ARHGAP29: variants seen among roughly 807,000 people sequenced by gnomAD.
ARHGAP29 encodes the protein Rho GTPase activating protein 29.
Under a neutral mutation model 122.6 loss-of-function variants are expected in ARHGAP29, and 43 were observed. That is an observed-to-expected ratio of 0.35 (90% confidence interval 0.27 to 0.45). The LOEUF (loss-of-function observed/expected upper bound fraction) is 0.45, where lower values mean the gene tolerates loss of function less well. Ranked by LOEUF, ARHGAP29 falls within the 20% of genes least tolerant of loss-of-function variation. The probability of loss-of-function intolerance (pLI) is 1.00; values close to 1 mark genes in which losing one functional copy is unlikely to be tolerated. For missense variants in ARHGAP29, 1,303 were observed against 1,477.2 expected (o/e 0.88, Z 1.93); for synonymous variants, 506 against 497.1 (o/e 1.02, Z -0.24).
Position 94,208,834 on chromosome 1 carries a change from T to G in ARHGAP29, c.508A>C (p.Lys170Gln). ...LLRLPVSRET[K>Q]SFENVSVESV... ...GCTTTCACACAAACTTAGCTTACCT[T>G]AGTTTCTCGAGAAACAGGCAGTCGC... Residue 170 changes from lysine to glutamine, a missense_variant and splice_region_variant, in exon 5 of 23, where the codon AAG becomes CAG. By Grantham distance (53) the Lys-to-Gln change is moderately conservative. Coordinates refer to ENST00000260526, the MANE Select transcript of ARHGAP29 (RefSeq NM_004815.4). 1.2e-6 allele frequency: 2 copies of G among 1,613,582 alleles called. No homozygotes were observed. Among genetic ancestry groups the G allele is most frequent in the Non-Finnish European group, 1.7e-6 (2 of 1,179,536 alleles).
chr1:94,252,939 C>G (rs1570608262), intron 1 of ARHGAP29, among the ~76,000 whole-genome samples: 1 of 152,018 alleles, frequency 6.6e-6, no homozygotes. Flanking sequence ...GTTTCAGAAT[C>G]AAAGGGATCT....
At chr1:94,251,864 C>G (rs1017581731) in intron 1 of ARHGAP29, among the ~76,000 whole-genome samples, 1 of 152,142 alleles carries the variant, frequency 6.6e-6, no homozygotes, top group Admixed American at 6.5e-5. Flanking sequence ...GCACTTATCC[C>G]TCTACTGACT....
chr1:94,219,804 T>A (rs1652178780), intron 3 of ARHGAP29, among the ~76,000 whole-genome samples: 1 of 152,204 alleles, frequency 6.6e-6, no homozygotes, highest in African/African-American at 2.4e-5. Context: ...TATGATAAAC[T>A]TATTTTACAA....
chr1:94,310,277 T>C, the ARHGAP29 span, among the ~76,000 whole-genome samples: 12,742 of 152,070 alleles, frequency 0.084, 561 homozygotes, highest in East Asian at 0.12. Context: ...GGGGAAACAG[T>C]GAAGAGGAAG....
intron 5 of ARHGAP29, among the ~76,000 whole-genome samples, 171 bp downstream of exon 5, chr1:94,208,661 T>C (rs1000082687): frequency 6.6e-6 from 1 of 152,096 alleles, no homozygotes; most frequent in East Asian, 1.9e-4. Context: ...GGTTTCACCA[T>C]GTTGGCCAGG....
In ARHGAP29 at chr1:94,188,846, T is replaced by C. The variant is rs771049716; in HGVS notation, c.1672A>G (p.Ile558Val). The change falls in exon 15 of 23, where the codon ATA becomes GTA. Residue 558 changes from isoleucine (I) to valine (V), a missense_variant. Around this residue, in one of 3 missense-constraint regions of ARHGAP29, gnomAD observed 592 missense variants for 648.2 expected, o/e 0.91. Transcript: ENST00000260526. Reference sequence around the variant, plus strand: ...TTAAATATAGATGTACCTGGACTTATAGATTCTGAATCCAGAGATCTAGAT... The same window carrying C: ...TTAAATATAGATGTACCTGGACTTACAGATTCTGAATCCAGAGATCTAGAT... ...SESRSLDSESISPGDFHRKLP... is the reference protein window; with the variant it reads ...SESRSLDSESVSPGDFHRKLP... 4.3e-6 allele frequency: 7 copies of C among 1,612,220 alleles called. No homozygotes were observed. The highest frequency in any genetic ancestry group is 4.2e-6 in the Non-Finnish European group (5 of 1,178,562).
At chr1:94,188,476 G>A (rs932850174) in intron 15 of ARHGAP29, among the ~76,000 whole-genome samples, 14 of 151,870 alleles carry the variant, frequency 9.2e-5, no homozygotes, top group African/African-American at 2.7e-4. Context: ...TCACAATAGC[G>A]TAATTCAATT....
Position 94,179,863 on chromosome 1 carries a change from T to C in ARHGAP29, c.2342A>G (p.Lys781Arg). 1 of 1,613,310 alleles carries C rather than the reference T, an allele frequency of 6.2e-7. No individual in the cohort carries two copies. Among genetic ancestry groups the C allele is most frequent in the Non-Finnish European group, 8.5e-7 (1 of 1,179,604 alleles). The change falls in exon 20 of 23, where the codon AAG (lysine) becomes AGG (arginine). Residue 781 changes from lysine to arginine, a missense_variant. By Grantham distance (26) the Lys-to-Arg change is conservative. Coordinates refer to ENST00000260526, the MANE Select transcript of ARHGAP29 (RefSeq NM_004815.4). The part of the protein sequence containing the change: ...QHVNEEQETK[K>R]NSLEDKKWPN... Reference sequence around the variant, plus strand: ...CCATTTTTTGTCTTCAAGACTATTCTTTTTTGTCTCTTGTTCTTCATTTAC... The same window carrying C: ...CCATTTTTTGTCTTCAAGACTATTCCTTTTTGTCTCTTGTTCTTCATTTAC...
chr1:94,222,463 C>G (rs1264393931), intron 2 of ARHGAP29, among the ~76,000 whole-genome samples: 1 of 152,172 alleles, frequency 6.6e-6, no homozygotes, highest in Non-Finnish European at 1.5e-5. Context: ...CAACACTTTA[C>G]ATCTGTAATC....
chr1:94,305,699 T>A, the ARHGAP29 span, among the ~76,000 whole-genome samples: 1 of 152,144 alleles, frequency 6.6e-6, no homozygotes, highest in Non-Finnish European at 1.5e-5. Context: ...GAGGTAAAAT[T>A]GACTGGATTT....
At chr1:94,228,918 A>G (rs1402518127) in intron 2 of ARHGAP29, among the ~76,000 whole-genome samples, 2 of 151,888 alleles carry the variant, frequency 1.3e-5, no homozygotes, top group Non-Finnish European at 3.0e-5. Flanking sequence ...TGACTAAACC[A>G]AAAGATGATT....
At chr1:94,305,905 T>C in the ARHGAP29 span, among the ~76,000 whole-genome samples, 1 of 152,220 alleles carries the variant, frequency 6.6e-6, no homozygotes, top group Non-Finnish European at 1.5e-5. Context: ...GAATGTGAGG[T>C]TGCTGGCAGC....
the ARHGAP29 span, among the ~76,000 whole-genome samples, chr1:94,309,715 C>A: frequency 1.7e-4 from 26 of 152,156 alleles, no homozygotes; most frequent in Non-Finnish European, 5.9e-5. Flanking sequence ...GGCGATAGGT[C>A]CCAAGGTAGA....
At chr1:94,224,983 A>G (rs1362364891) in intron 2 of ARHGAP29, among the ~76,000 whole-genome samples, 2 of 152,212 alleles carry the variant, frequency 1.3e-5, no homozygotes, top group Non-Finnish European at 2.9e-5. Context: ...TGAAGCCCAC[A>G]AATCAACAGA....
At chr1:94,299,121 T>A in the ARHGAP29 span, among the ~76,000 whole-genome samples, 1 of 151,860 alleles carries the variant, frequency 6.6e-6, no homozygotes, top group Non-Finnish European at 1.5e-5. Flanking sequence ...TCGAGGTACA[T>A]AATCCTGCAG....
upstream of ARHGAP29, among the ~76,000 whole-genome samples, chr1:94,240,759 G>A (rs1014648509): frequency 3.3e-5 from 5 of 151,968 alleles, no homozygotes; most frequent in Admixed American, 2.6e-4. Context: ...TCAGCCATTC[G>A]GTGCAGCCTT....
chr1:94,309,356 G>A, the ARHGAP29 span, among the ~76,000 whole-genome samples: 3 of 152,166 alleles, frequency 2.0e-5, no homozygotes, highest in Non-Finnish European at 2.9e-5. Flanking sequence ...GGAGGTCAGG[G>A]CCCTCTTTGC....
At chr1:94,290,340 GTCTA>G in the ARHGAP29 span, among the ~76,000 whole-genome samples, 13 of 151,936 alleles carry the variant, frequency 8.6e-5, no homozygotes, top group African/African-American at 2.7e-4. Flanking sequence ...CTTGCTAGTG[GTCTA>G]TCTATTTTGT....
intron 2 of ARHGAP29, among the ~76,000 whole-genome samples, chr1:94,229,538 T>C (rs1652805891): frequency 1.3e-5 from 2 of 151,804 alleles, no homozygotes; most frequent in Non-Finnish European, 3.0e-5. Flanking sequence ...AGGTAAATAA[T>C]GAACATCCTC....
Sources: gnomAD v4.1 joint callset for allele counts (sites outside exome capture counted in the v4.1 genomes callset) on GRCh38, gnomAD v4.1.1 for gene constraint, gnomAD v4.1.1 regional missense constraint, MANE v1.5 for transcripts, NCBI Gene and HGNC (gene_info 2026-07-23, HGNC 2026-07-21) for gene names.